Variants in ATXN10 observed in about 807,000 individuals in gnomAD.
ATXN10 encodes the protein ataxin 10.
Under a neutral mutation model 52.9 loss-of-function variants are expected in ATXN10, and 28 were observed. The observed-to-expected ratio is 0.53, with a 90% CI of 0.39 to 0.73. The LOEUF (loss-of-function observed/expected upper bound fraction) is 0.73. ATXN10 is among the 30% of genes least tolerant of loss of function. ATXN10 has a pLI of 0.00. For missense variants in ATXN10, 565 were observed against 577.0 expected (o/e 0.98, Z 0.21); for synonymous variants, 226 against 221.5 (o/e 1.02, Z -0.18).
rs370674075 is a variant in ATXN10 at position 45,807,740 on chromosome 22, G to C, written c.1237+718G>C. On this transcript the variant is annotated intron_variant, in intron 10 of 11. Transcript: ENST00000252934. ...GATAAAACCTACTGTTTAATTTCAC[G>C]AACTTCCCTGGTGAAAGCCAAACTT... Among the ~76,000 whole-genome samples the C allele has an allele frequency of 3.9e-5, 6 of 152,150 alleles. No homozygotes were observed. In the South Asian group the frequency reaches 8.3e-4, roughly 21 times the overall value.
intron 5 of ATXN10, among the ~76,000 whole-genome samples, chr22:45,704,792 C>T (rs1923976077): frequency 6.6e-6 from 1 of 152,036 alleles, no homozygotes; most frequent in African/African-American, 2.4e-5. Flanking sequence ...GTTGCCCTGA[C>T]TGGAAATTCC....
chr22:45,799,239 G>A (rs759910372), intron 9 of ATXN10, among the ~76,000 whole-genome samples: 3 of 152,048 alleles, frequency 2.0e-5, no homozygotes, highest in Non-Finnish European at 4.4e-5. Context: ...CCCGTCCCAG[G>A]AAACATTTTT....
Position 45,690,982 on chromosome 22 carries a change from AC to A in ATXN10, c.308+1080del. Among the ~76,000 whole-genome samples, 1 of 151,996 alleles carries A rather than the reference AC, an allele frequency of 6.6e-6. No homozygotes were observed. The highest frequency in any genetic ancestry group is 1.9e-4 in the East Asian group (1 of 5,190). ...GGCTGGTCCAGAAGCCACTTGAGGG[AC>A]TCCCTTCGGTTAGACACATATACCC... On this transcript the variant is annotated intron_variant, in intron 2 of 11. Coordinates refer to ENST00000252934, the MANE Select transcript of ATXN10 (RefSeq NM_013236.4). The surrounding 1 kb of genome is among the most constrained non-coding windows in gnomAD (Gnocchi z 4.5).
chr22:45,776,071 T>C (rs1043552515), intron 9 of ATXN10, among the ~76,000 whole-genome samples: 10 of 152,172 alleles, frequency 6.6e-5, no homozygotes, highest in African/African-American at 2.2e-4. Flanking sequence ...CTGTTACCTT[T>C]CTGAACTTTA....
chr22:45,831,600 A>G (rs1367168477), intron 10 of ATXN10, among the ~76,000 whole-genome samples: 1 of 152,168 alleles, frequency 6.6e-6, no homozygotes, highest in Admixed American at 6.5e-5. Flanking sequence ...CTTTGCATCC[A>G]TCCTATGAAA....
rs1926453387 is a variant in ATXN10, at chr22:45,763,009, T to G, written c.1173+22471T>G. Among the ~76,000 whole-genome samples the G allele has an allele frequency of 6.6e-6, 1 of 152,128 alleles. No homozygotes were observed. The highest frequency in any genetic ancestry group is 2.4e-5 in the African/African-American group (1 of 41,432). On this transcript the variant is annotated intron_variant, in intron 9 of 11. Transcript: ENST00000252934. This position sits in a 1 kb window ranked among gnomAD's most constrained non-coding sequence, Gnocchi z 6.9. ...AGGGGATTGGAATGCACAGAAGCAT[T>G]TAAGAAGCGCTTTGTAAAGCCATGG... is the stretch of plus-strand genomic sequence containing the variant.
Position 45,733,786 on chromosome 22 carries a change from C to T in ATXN10, c.894+4196C>T, listed in dbSNP as rs1175416431. 1.3e-5 allele frequency among the ~76,000 whole-genome samples: 2 copies of T among 151,228 alleles called. No homozygotes were observed. Among genetic ancestry groups the T allele is most frequent in the Non-Finnish European group, 3.0e-5 (2 of 67,792 alleles). ...AAAAAAAAAAGTTACAAAGTTTTCCCCTTTTTGCCCAGCCTCCATTTGTTT... is the reference window on the plus strand; with the variant it reads ...AAAAAAAAAAGTTACAAAGTTTTCCTCTTTTTGCCCAGCCTCCATTTGTTT... On this transcript the variant is annotated intron_variant, in intron 7 of 11. Coordinates refer to ENST00000252934, the MANE Select transcript of ATXN10 (RefSeq NM_013236.4). This position sits in a 1 kb window ranked among gnomAD's most constrained non-coding sequence, Gnocchi z 4.4.
intron 9 of ATXN10, among the ~76,000 whole-genome samples, chr22:45,799,839 A>G (rs1460671077): frequency 1.3e-5 from 2 of 152,216 alleles, no homozygotes; most frequent in African/African-American, 2.4e-5. Flanking sequence ...TTAAGATAGT[A>G]TGGTATTTAT....
At chr22:45,672,893 TATA>T (rs1417804168) in intron 1 of ATXN10, 1 of 152,238 alleles carries the variant, frequency 6.6e-6, no homozygotes, top group African/African-American at 2.4e-5. Context: ...AAAATGGGAC[TATA>T]ATACACAGCT....
chr22:45,675,173 T>A (rs944048190), intron 1 of ATXN10: 2 of 152,244 alleles, frequency 1.3e-5, no homozygotes, highest in Non-Finnish European at 2.9e-5. Flanking sequence ...GAATCTCCTG[T>A]CTTATCAGAA....
chr22:45,758,261 G>A (rs998371585), intron 9 of ATXN10, among the ~76,000 whole-genome samples: 2 of 152,224 alleles, frequency 1.3e-5, no homozygotes, highest in African/African-American at 4.8e-5. Context: ...CTGAGCCAGC[G>A]TGTGGAAAGC....
rs990339670 is a variant in ATXN10, at chr22:45,835,593, G to A, written c.1238-7398G>A. ...TATAAAATCTCTAGTGGACAGAGGT[G>A]TGAAATGTAGTTCTGTCAAACTCAG... On this transcript the variant is annotated intron_variant, in intron 10 of 11. Transcript: ENST00000252934. This position sits in a 1 kb window ranked among gnomAD's most constrained non-coding sequence, Gnocchi z 5.0. Among the ~76,000 whole-genome samples, 6 of 152,242 alleles carry A rather than the reference G, an allele frequency of 3.9e-5. No homozygotes were observed. The highest frequency in any genetic ancestry group is 1.4e-4 in the African/African-American group (6 of 41,462).
At chr22:45,738,666 A>G in intron 7 of ATXN10, 65 bp from the exon 8 acceptor site, 1 of 1,286,066 alleles carries the variant, frequency 7.8e-7, no homozygotes, top group African/African-American at 1.5e-5. Flanking sequence ...TCTTACAGTT[A>G]TTTATAACAG....
At chr22:45,830,298 A>T (rs1259324471) in intron 10 of ATXN10, among the ~76,000 whole-genome samples, 2 of 152,248 alleles carry the variant, frequency 1.3e-5, no homozygotes, top group Non-Finnish European at 2.9e-5. Context: ...GCAGTTATTT[A>T]TTGGATGTGA....
In ATXN10 at chr22:45,740,562, T is replaced by C. The variant is rs753047979; in HGVS notation, c.1173+24T>C. 4 of 1,606,908 alleles carry C rather than the reference T, an allele frequency of 2.5e-6. No individual in the cohort carries two copies. The South Asian group carries it at 4.4e-5, about 18-fold the overall frequency. On this transcript the variant is annotated intron_variant, in intron 9 of 11. Coordinates refer to ENST00000252934, the MANE Select transcript of ATXN10 (RefSeq NM_013236.4). ...AGGTAAGAGGATTTCTTAGTATGTA[T>C]TATACATGTATGGCTTCATTTAGAA...
intron 10 of ATXN10, among the ~76,000 whole-genome samples, chr22:45,836,833 T>C (rs550677415): frequency 2.8e-3 from 427 of 152,382 alleles, no homozygotes; most frequent in Non-Finnish European, 4.9e-3. Context: ...TTTGTTTAGA[T>C]GTGACAAGGG....
intron 3 of ATXN10, among the ~76,000 whole-genome samples, chr22:45,695,116 GTCAGGAGA>G: frequency 6.6e-6 from 1 of 151,690 alleles, no homozygotes; most frequent in East Asian, 2.0e-4. Context: ...GGATCACGAG[GTCAGGAGA>G]TCTACCTGGC....
In ATXN10 at chr22:45,701,497, ATAAT is replaced by A. The variant is rs762426094; in HGVS notation, c.488+1123_488+1126del. Among the ~76,000 whole-genome samples the A allele has an allele frequency of 6.6e-6, 1 of 152,198 alleles. No individual in the cohort carries two copies. The highest frequency in any genetic ancestry group is 2.4e-5 in the African/African-American group (1 of 41,440). Reference sequence around the variant, plus strand: ...CATGGAATTTCTCAAATTCCTGCAAATAATTAAGAGTTGAAGGTGTATATATATT... The same window carrying A: ...CATGGAATTTCTCAAATTCCTGCAAATAAGAGTTGAAGGTGTATATATATT... On this transcript the variant is annotated intron_variant, in intron 4 of 11. Coordinates refer to ENST00000252934, the MANE Select transcript of ATXN10 (RefSeq NM_013236.4). The surrounding 1 kb of genome is among the most constrained non-coding windows in gnomAD (Gnocchi z 4.2).
intron 5 of ATXN10, among the ~76,000 whole-genome samples, chr22:45,709,628 C>G (rs1005231512): frequency 6.6e-6 from 1 of 152,198 alleles, no homozygotes; most frequent in African/African-American, 2.4e-5. Flanking sequence ...ATTGCTCATT[C>G]TCTGGGTGAC....
Sources: gnomAD v4.1 joint callset for allele counts (sites outside exome capture counted in the v4.1 genomes callset) on GRCh38, gnomAD v4.1.1 for gene constraint, Gnocchi (gnomAD v3.1) non-coding constraint, MANE v1.5 for transcripts, NCBI Gene and HGNC (gene_info 2026-07-23, HGNC 2026-07-21) for gene names.